The following DSTYK variants were observed in gnomAD, a reference collection of about 807,000 sequenced individuals.
The protein encoded by DSTYK is dual serine/threonine and tyrosine protein kinase, also known as RIP-homologous kinase.
In DSTYK, 34 loss-of-function variants were observed where a neutral mutation model predicts 98.7. The ratio of observed to expected loss-of-function variants is 0.34; its 90% CI spans 0.26 to 0.46. The LOEUF (loss-of-function observed/expected upper bound fraction) is 0.46, where lower values mean the gene tolerates loss of function less well. Ranked by LOEUF, DSTYK falls within the 20% of genes least tolerant of loss-of-function variation. DSTYK has a pLI of 1.00. For synonymous variants in DSTYK, 462 were observed against 457.3 expected (o/e 1.01, Z -0.13); for missense variants, 962 against 1,181.7 (o/e 0.81, Z 2.73).
intron 2 of DSTYK, among the ~76,000 whole-genome samples, chr1:205,180,798 T>C (rs546058126): frequency 5.3e-5 from 8 of 152,266 alleles, no homozygotes; most frequent in Admixed American, 1.3e-4. Context: ...AAGGTTACTA[T>C]AGTGAGCATA....
chr1:205,149,007 A>G (rs1338277073), intron 11 of DSTYK, among the ~76,000 whole-genome samples: 2 of 150,456 alleles, frequency 1.3e-5, no homozygotes, highest in Admixed American at 1.3e-4. Flanking sequence ...GGTTCAAGCG[A>G]TTCTCCTGCC....
At chr1:205,174,077 T>C (rs183799304) in intron 2 of DSTYK, among the ~76,000 whole-genome samples, 84 of 152,172 alleles carry the variant, frequency 5.5e-4, no homozygotes, top group Non-Finnish European at 9.6e-4. Context: ...AAATTCATTA[T>C]TAAAGAAATG....
At chr1:205,171,194 G>C (rs1354886410) in intron 2 of DSTYK, among the ~76,000 whole-genome samples, 1 of 152,058 alleles carries the variant, frequency 6.6e-6, no homozygotes, top group Non-Finnish European at 1.5e-5. Context: ...GCTCACACCT[G>C]TAATCCCAGC....
At chr1:205,174,743 T>TTTC (rs1211918679) in intron 2 of DSTYK, among the ~76,000 whole-genome samples, 1 of 149,438 alleles carries the variant, frequency 6.7e-6, no homozygotes, top group Admixed American at 6.7e-5. Flanking sequence ...TTTTTAATTT[T>TTTC]TTTTTTTTTT....
chr1:205,189,796 C>A (rs1220695778), intron 1 of DSTYK, among the ~76,000 whole-genome samples: 2 of 152,168 alleles, frequency 1.3e-5, no homozygotes, highest in Non-Finnish European at 2.9e-5. Flanking sequence ...TATACATCAG[C>A]AACACCAGAC....
At chr1:205,211,224 C>G in intron 1 of DSTYK, 47 bp downstream of exon 1, 1 of 1,538,934 alleles carries the variant, frequency 6.5e-7, no homozygotes, top group Non-Finnish European at 8.7e-7. Context: ...GGTCCGTCCT[C>G]CGATTTGCCT....
At position 205,211,373 on chromosome 1, in the gene DSTYK, T is replaced by A. The variant is rs1659373887; in HGVS notation, c.163A>T (p.Ile55Phe). 1.2e-6 allele frequency: 2 copies of A among 1,612,572 alleles called. No individual in the cohort carries two copies. The highest frequency in any genetic ancestry group is 1.7e-5 in the Admixed American group (1 of 59,922). Residue 55 changes from isoleucine (I) to phenylalanine (F), a missense_variant, in exon 1 of 13, where the codon ATC becomes TTC. Ile to Phe is a conservative substitution (Grantham distance 21, BLOSUM62 0). This residue lies in a region of DSTYK where 168 missense variants were observed against 120.0 expected (regional missense o/e 1.40). Transcript: ENST00000367162. ...LRETQKFFRDIKCSHNHTCLS... is the reference protein window; with the variant it reads ...LRETQKFFRDFKCSHNHTCLS... ...CAAGTGTGGTTGTGGGAGCACTTGATGTCGCGGAAGAACTTCTGGGTCTCG... is the reference window on the plus strand; with the variant it reads ...CAAGTGTGGTTGTGGGAGCACTTGAAGTCGCGGAAGAACTTCTGGGTCTCG...
intron 2 of DSTYK, among the ~76,000 whole-genome samples, chr1:205,181,658 GTGTGTGTGTGTGTGTGT>G (rs2102438309): frequency 2.9e-5 from 2 of 69,146 alleles, no homozygotes; most frequent in East Asian, 9.7e-4. Context: ...GTTGGGGTTT[GTGTGTGTGTGTGTGTGT>G]GTGTGTGTGT....
chr1:205,144,811 C>G lies in DSTYK; in HGVS notation c.*2747G>C, dbSNP rs1657175222. On this transcript the variant is annotated 3_prime_UTR_variant, in exon 13 of 13. Coordinates refer to ENST00000367162, the MANE Select transcript of DSTYK (RefSeq NM_015375.3). ...ACTGGGGAAAAAACTGTTGGGGAATCTGCTAGAGAACTGGTATCTGACAGC... is the reference window on the plus strand; with the variant it reads ...ACTGGGGAAAAAACTGTTGGGGAATGTGCTAGAGAACTGGTATCTGACAGC... The G allele has an allele frequency of 6.6e-6, 1 of 152,194 alleles. No homozygotes were observed. The highest frequency in any genetic ancestry group is 2.4e-5 in the African/African-American group (1 of 41,450). The allele number at this position is 152,194 out of a possible 1,614,324, so 9.4% of individuals were successfully genotyped here.
intron 1 of DSTYK, among the ~76,000 whole-genome samples, chr1:205,189,436 C>CCAAT (rs1658649030): frequency 6.6e-6 from 1 of 152,192 alleles, no homozygotes; most frequent in African/African-American, 2.4e-5. Context: ...TGCAAAAGGG[C>CCAAT]CAATCCTTGA....
chr1:205,171,979 G>A (rs1658077450), intron 2 of DSTYK, among the ~76,000 whole-genome samples: 1 of 152,060 alleles, frequency 6.6e-6, no homozygotes, highest in South Asian at 2.1e-4. Context: ...TGATTGAGAT[G>A]CAGTCTCACT....
At chr1:205,187,387 T>C in intron 2 of DSTYK, 31 bp downstream of exon 2, 1 of 1,568,450 alleles carries the variant, frequency 6.4e-7, no homozygotes, top group Non-Finnish European at 8.7e-7. Context: ...TATATATGTA[T>C]ACAATTGGTA....
rs539135588 is a variant in DSTYK at position 205,144,219 on chromosome 1, T to G, written c.*3339A>C. ...AGACCAGACTTCAAGCTCTGGCCAT[T>G]AAAAATGGCCAGGTCATCATTTTCA... On this transcript the variant is annotated 3_prime_UTR_variant, in exon 13 of 13. Transcript: ENST00000367162. 6.6e-6 allele frequency: 1 copy of G among 152,406 alleles called. No homozygotes were observed. The highest frequency in any genetic ancestry group is 1.5e-5 in the Non-Finnish European group (1 of 68,014). The allele number at this position is 152,406 out of a possible 1,614,324, so 9.4% of individuals were successfully genotyped here.
rs763382615 is a variant in DSTYK at position 205,163,693 on chromosome 1, A to G, written c.1557+30T>C. 28 of 1,570,984 alleles carry G rather than the reference A, an allele frequency of 1.8e-5. No individual in the cohort carries two copies. In the East Asian group the frequency reaches 6.1e-4, roughly 34 times the overall value. ...AGATTTTTCATGTGCTATCTATGAC[A>G]CGATGTCTTAAAAATCATTCTTTGT... On this transcript the variant is annotated intron_variant, in intron 4 of 12. Coordinates refer to ENST00000367162, the MANE Select transcript of DSTYK (RefSeq NM_015375.3).
In DSTYK at chr1:205,146,270, T is replaced by C. The variant is rs748968228; in HGVS notation, c.*1288A>G. On this transcript the variant is annotated 3_prime_UTR_variant, in exon 13 of 13. Coordinates refer to ENST00000367162, the MANE Select transcript of DSTYK (RefSeq NM_015375.3). ...TAAAAACAAGCTGGTTTTCTTCCAG[T>C]ATGTTTGTACATAGGCCATGGCCTC... 4 of 152,200 alleles carry C rather than the reference T, an allele frequency of 2.6e-5. No individual in the cohort carries two copies. Among genetic ancestry groups the C allele is most frequent in the Non-Finnish European group, 5.9e-5 (4 of 68,048 alleles). The allele number at this position is 152,200 out of a possible 1,614,324, so 9.4% of individuals were successfully genotyped here. A position where few individuals can be genotyped will look rare whatever the true frequency, so the allele number is the denominator to read the frequency against.
chr1:205,205,369 G>A (rs1422931326), intron 1 of DSTYK, among the ~76,000 whole-genome samples: 1 of 151,990 alleles, frequency 6.6e-6, no homozygotes, highest in Non-Finnish European at 1.5e-5. Context: ...TTCCCCAAAT[G>A]TCACTCTGCC....
chr1:205,169,920 T>C lies in DSTYK; in HGVS notation c.655-88A>G. ...AAGTCCCACACTGAGACCAAAATCC[T>C]GATCTACAATGGAACAATTGGACTT... On this transcript the variant is annotated intron_variant, in intron 2 of 12. Coordinates refer to ENST00000367162, the MANE Select transcript of DSTYK (RefSeq NM_015375.3). This position sits in a 1 kb window ranked among gnomAD's most constrained non-coding sequence, Gnocchi z 4.0. 10 of 1,257,116 alleles carry C rather than the reference T, an allele frequency of 8.0e-6. No homozygotes were observed. The highest frequency in any genetic ancestry group is 1.1e-5 in the Non-Finnish European group (10 of 918,742). The allele number at this position is 1,257,116 out of a possible 1,614,324, so 77.9% of individuals were successfully genotyped here.
intron 1 of DSTYK, among the ~76,000 whole-genome samples, chr1:205,194,989 A>AT (rs964750887): frequency 0.034 from 4,649 of 138,494 alleles, 110 homozygotes; most frequent in East Asian, 0.073. Context: ...AGTGCCACTA[A>AT]TTTTTTTTTT....
At chr1:205,155,290 A>G (rs1242386760) in intron 10 of DSTYK, among the ~76,000 whole-genome samples, 1 of 152,042 alleles carries the variant, frequency 6.6e-6, no homozygotes, top group East Asian at 1.9e-4. Context: ...ACCCCGGAAG[A>G]AATTTCTAAG....
Sources: gnomAD v4.1 joint callset for allele counts (sites outside exome capture counted in the v4.1 genomes callset) on GRCh38, gnomAD v4.1.1 for gene constraint, gnomAD v4.1.1 regional missense constraint, Gnocchi (gnomAD v3.1) non-coding constraint, MANE v1.5 for transcripts, NCBI Gene and HGNC (gene_info 2026-07-23, HGNC 2026-07-21) for gene names.